STX8: variants seen among roughly 807,000 people sequenced by gnomAD.
STX8 encodes syntaxin 8.
In STX8, 23 loss-of-function variants were observed where a neutral mutation model predicts 37.5. The observed-to-expected ratio is 0.61, with a 90% CI of 0.44 to 0.87. STX8 has a LOEUF of 0.87. Ranked by LOEUF, STX8 falls within the 40% of genes least tolerant of loss-of-function variation. The probability of loss-of-function intolerance (pLI) is 0.00; values close to 1 mark genes in which losing one functional copy is unlikely to be tolerated. For missense variants in STX8, 313 were observed against 284.7 expected (o/e 1.10, Z -0.71); for synonymous variants, 115 against 99.1 (o/e 1.16, Z -0.95).
chr17:9,408,795 C>T (rs1301772108), intron 6 of STX8, among the ~76,000 whole-genome samples: 2 of 152,180 alleles, frequency 1.3e-5, no homozygotes, highest in Non-Finnish European at 2.9e-5. Flanking sequence ...GAAGCCATTA[C>T]ACCTGTGATT....
At chr17:9,486,292 T>C (rs1309319354) in intron 6 of STX8, among the ~76,000 whole-genome samples, 1 of 152,148 alleles carries the variant, frequency 6.6e-6, no homozygotes, top group Non-Finnish European at 1.5e-5. Flanking sequence ...TGGGACATTT[T>C]ATGCTTCCAG....
At chr17:9,473,046 C>CT (rs11309971) in intron 6 of STX8, among the ~76,000 whole-genome samples, 1,480 of 145,656 alleles carry the variant, frequency 0.01, 26 homozygotes, top group African/African-American at 0.033. Context: ...ATCTTTTTTT[C>CT]TTTTTTTTTT....
chr17:9,345,441 T>G (rs1910498666), intron 7 of STX8, among the ~76,000 whole-genome samples: 1 of 152,120 alleles, frequency 6.6e-6, no homozygotes, highest in Non-Finnish European at 1.5e-5. Context: ...TGAGCCACCA[T>G]GCCTGGCCAC....
chr17:9,404,100 A>T (rs1314976107), intron 6 of STX8, among the ~76,000 whole-genome samples: 1 of 152,224 alleles, frequency 6.6e-6, no homozygotes, highest in Non-Finnish European at 1.5e-5. Context: ...AGAGAAAAGG[A>T]AATATTCAGA....
chr17:9,458,019 C>G (rs1905229782), intron 6 of STX8, among the ~76,000 whole-genome samples: 1 of 152,216 alleles, frequency 6.6e-6, no homozygotes, highest in Non-Finnish European at 1.5e-5. Context: ...TTACAGAATA[C>G]TTATAACTAA....
intron 6 of STX8, among the ~76,000 whole-genome samples, chr17:9,454,449 C>T (rs376033586): frequency 2.0e-5 from 3 of 152,064 alleles, no homozygotes; most frequent in Non-Finnish European, 2.9e-5. Flanking sequence ...GAGGCCGAGG[C>T]GGGCAGATCA....
chr17:9,512,694 C>T (rs575480563), intron 4 of STX8, among the ~76,000 whole-genome samples: 90 of 152,228 alleles, frequency 5.9e-4, no homozygotes, highest in African/African-American at 2.1e-3. Flanking sequence ...CTGCCCACCT[C>T]AGCCTCCCAA....
At chr17:9,371,393 C>T (rs1333127934) in intron 7 of STX8, among the ~76,000 whole-genome samples, 4 of 152,124 alleles carry the variant, frequency 2.6e-5, no homozygotes, top group African/African-American at 9.7e-5. Flanking sequence ...GCTTAATTCC[C>T]ACCCCCTATA....
At chr17:9,366,153 CTGG>C (rs1390270622) in intron 7 of STX8, among the ~76,000 whole-genome samples, 1 of 152,234 alleles carries the variant, frequency 6.6e-6, no homozygotes, top group Non-Finnish European at 1.5e-5. Context: ...TTAGAGAAAC[CTGG>C]TGCTGTCAAT....
At chr17:9,542,714 G>A (rs1001083033) in intron 4 of STX8, among the ~76,000 whole-genome samples, 8 of 148,658 alleles carry the variant, frequency 5.4e-5, no homozygotes, top group African/African-American at 2.0e-4. Flanking sequence ...AAATAAATAA[G>A]GAATAAATGA....
chr17:9,298,907 G>A (rs1333331714), intron 7 of STX8, among the ~76,000 whole-genome samples: 2 of 152,168 alleles, frequency 1.3e-5, no homozygotes, highest in Admixed American at 1.3e-4. Flanking sequence ...GAAGATCCAG[G>A]CTCTTCTAAG....
intron 6 of STX8, among the ~76,000 whole-genome samples, chr17:9,454,636 C>T (rs1052854666): frequency 4.0e-5 from 6 of 149,880 alleles, no homozygotes; most frequent in Admixed American, 1.3e-4. Context: ...GCCAAGATCG[C>T]GCCACTGCAC....
intron 7 of STX8, among the ~76,000 whole-genome samples, chr17:9,364,932 T>C (rs909220502): frequency 1.3e-5 from 2 of 151,756 alleles, no homozygotes; most frequent in African/African-American, 4.9e-5. Context: ...TACTAATAAA[T>C]AGATTTCATT....
intron 7 of STX8, among the ~76,000 whole-genome samples, chr17:9,253,207 G>GGTGTGTGTGTGTGTGTGTGTGTGTGTGT (rs36048368): frequency 1.4e-5 from 2 of 140,940 alleles, no homozygotes; most frequent in African/African-American, 5.3e-5. Flanking sequence ...CAGGGGTAGG[G>GGTGTGTGTGTGTGTGTGTGTGTGTGTGT]GTGTGTGTGT....
chr17:9,284,685 A>G (rs1221036864), intron 7 of STX8, among the ~76,000 whole-genome samples: 3 of 152,244 alleles, frequency 2.0e-5, no homozygotes, highest in Admixed American at 6.5e-5. Context: ...AGGGAAAAAA[A>G]TAAGTTTAAA....
chr17:9,416,760 T>A (rs145205821), intron 6 of STX8, among the ~76,000 whole-genome samples: 3 of 152,236 alleles, frequency 2.0e-5, no homozygotes, highest in Non-Finnish European at 2.9e-5. Context: ...AAAAAACTAA[T>A]GAAATCCCAT....
chr17:9,349,458 T>A (rs942372406), intron 7 of STX8, among the ~76,000 whole-genome samples: 1 of 150,840 alleles, frequency 6.6e-6, no homozygotes, highest in African/African-American at 2.4e-5. Flanking sequence ...GTAGCTGGAA[T>A]TAGAAGTGCC....
rs535838830 is a variant in STX8 at position 9,376,565 on chromosome 17, G to C, written c.643+1987C>G. ...CTGAGGCAGCAACCCTGACCCGCTC[G>C]GGTCCCCTTACATGCTGTGGAAGCT... On this transcript the variant is annotated intron_variant, in intron 7 of 7. Coordinates refer to ENST00000306357, the MANE Select transcript of STX8 (RefSeq NM_004853.3). Among the ~76,000 whole-genome samples the C allele has an allele frequency of 2.0e-5, 3 of 152,148 alleles. No individual in the cohort carries two copies. The East Asian group carries it at 5.8e-4, about 29-fold the overall frequency.
At chr17:9,288,884 T>C (rs895198257) in intron 7 of STX8, among the ~76,000 whole-genome samples, 8 of 152,096 alleles carry the variant, frequency 5.3e-5, no homozygotes, top group African/African-American at 1.9e-4. Context: ...TCATGAAAGC[T>C]ATAAGAAAAT....
Sources: allele counts gnomAD v4.1 joint callset (sites outside exome capture counted in the v4.1 genomes callset), GRCh38; gene constraint gnomAD v4.1.1; transcripts MANE v1.5; gene names NCBI Gene and HGNC (gene_info 2026-07-23, HGNC 2026-07-21).